The following IFFO2 variants were observed in gnomAD, a reference collection of about 807,000 sequenced individuals.
IFFO2 encodes intermediate filament family orphan 2.
A neutral mutation model predicts 53.5 loss-of-function variants in IFFO2; 19 were observed. The ratio of observed to expected loss-of-function variants is 0.36; its 90% CI spans 0.25 to 0.52. The LOEUF (loss-of-function observed/expected upper bound fraction) is 0.52, where lower values mean the gene tolerates loss of function less well. IFFO2 is among the 20% of genes least tolerant of loss of function. The probability of loss-of-function intolerance (pLI) is 0.94; values close to 1 mark genes in which losing one functional copy is unlikely to be tolerated. For missense variants in IFFO2, 570 were observed against 727.4 expected (o/e 0.78, Z 2.49); for synonymous variants, 303 against 313.6 (o/e 0.97, Z 0.36).
At chr1:18,924,494 C>G (rs985455292) in intron 1 of IFFO2, among the ~76,000 whole-genome samples, 5 of 152,188 alleles carry the variant, frequency 3.3e-5, no homozygotes, top group African/African-American at 1.2e-4. Context: ...CACCAAGAGG[C>G]GGGTGCACCT....
Position 18,916,981 on chromosome 1 carries a change from C to T in IFFO2, c.1025G>A (p.Gly342Glu), listed in dbSNP as rs1557639967. The T allele has an allele frequency of 8.4e-6, 13 of 1,552,076 alleles. No individual in the cohort carries two copies. The highest frequency in any genetic ancestry group is 1.4e-5 in the African/African-American group (1 of 73,048). Residue 342 changes from glycine to glutamate, a missense_variant, in exon 5 of 9, where the codon GGG becomes GAG. By Grantham distance (98) the Gly-to-Glu change is moderately conservative. Coordinates refer to ENST00000455833, the MANE Select transcript of IFFO2 (RefSeq NM_001136265.2). This position sits in a 1 kb window ranked among gnomAD's most constrained non-coding sequence, Gnocchi z 4.3. ...ASDDDISEQD[G>E]EVNRFSDDEV... is the part of the protein sequence containing the mutation. Reference sequence around the variant, plus strand: ...ATCGTCCGAGAACCGGTTCACCTCCCCGTCCTGCTCAGAGATGTCATCATC... The same window carrying T: ...ATCGTCCGAGAACCGGTTCACCTCCTCGTCCTGCTCAGAGATGTCATCATC...
intron 5 of IFFO2, among the ~76,000 whole-genome samples, chr1:18,913,497 C>G (rs1168806361): frequency 1.3e-5 from 2 of 152,250 alleles, no homozygotes; most frequent in African/African-American, 4.8e-5. Context: ...CTCCACTTCA[C>G]AAATCTGCGG....
At chr1:18,910,621 A>G in intron 7 of IFFO2, 149 bp from the exon 8 acceptor site, 1 of 829,492 alleles carries the variant, frequency 1.2e-6, no homozygotes. Context: ...CCGGACATCA[A>G]CCTCCCTCAC....
chr1:18,904,405 A>C lies in IFFO2; in HGVS notation c.*4156T>G, dbSNP rs1935914734. 1 of 152,220 alleles carries C rather than the reference A, an allele frequency of 6.6e-6. No homozygotes were observed. The highest frequency in any genetic ancestry group is 1.5e-5 in the Non-Finnish European group (1 of 68,054). The allele number at this position is 152,220 out of a possible 1,614,324, so 9.4% of individuals were successfully genotyped here. ...GGATCAGTAGTCTTTCCATGAGTAT[A>C]AATCCCCCCCTTCCCTGTGATGCTA... On this transcript the variant is annotated 3_prime_UTR_variant, in exon 9 of 9. Transcript: ENST00000455833.
At chr1:18,943,391 C>A (rs942613473) in intron 1 of IFFO2, among the ~76,000 whole-genome samples, 1 of 152,044 alleles carries the variant, frequency 6.6e-6, no homozygotes, top group East Asian at 1.9e-4. Context: ...AAAAAAATGT[C>A]TTTCCATATA....
At chr1:18,921,369 C>T (rs1312882705) in intron 1 of IFFO2, among the ~76,000 whole-genome samples, 1 of 152,176 alleles carries the variant, frequency 6.6e-6, no homozygotes, top group Non-Finnish European at 1.5e-5. Flanking sequence ...GGTATGAGCC[C>T]AGCACTTCGT....
intron 1 of IFFO2, among the ~76,000 whole-genome samples, chr1:18,942,908 G>T (rs1466845372): frequency 6.9e-6 from 1 of 145,548 alleles, no homozygotes; most frequent in East Asian, 2.0e-4. Context: ...GCAAGATCTT[G>T]GCTCACTGCA....
chr1:18,949,077 C>T (rs1387092988), intron 1 of IFFO2, among the ~76,000 whole-genome samples: 5 of 152,236 alleles, frequency 3.3e-5, no homozygotes, highest in African/African-American at 1.2e-4. Flanking sequence ...TGAACTTTGG[C>T]CCAGGCCTTC....
chr1:18,947,014 A>T lies in IFFO2; in HGVS notation c.665+8654T>A, dbSNP rs896736922. On this transcript the variant is annotated intron_variant, in intron 1 of 8. Transcript: ENST00000455833. This position sits in a 1 kb window ranked among gnomAD's most constrained non-coding sequence, Gnocchi z 5.0. The stretch of plus-strand genomic sequence containing the variant: ...TCACATGATGCTGCCACATGGCATG[A>T]CACATTTGTCTATGTCCCCAGATTC... Among the ~76,000 whole-genome samples the T allele has an allele frequency of 6.6e-6, 1 of 152,238 alleles. No homozygotes were observed. Among genetic ancestry groups the T allele is most frequent in the African/African-American group, 2.4e-5 (1 of 41,456 alleles).
At chr1:18,949,053 G>T (rs1014437943) in intron 1 of IFFO2, among the ~76,000 whole-genome samples, 4 of 152,196 alleles carry the variant, frequency 2.6e-5, no homozygotes, top group Non-Finnish European at 5.9e-5. Flanking sequence ...AGGCTTGGGG[G>T]TTCATTCAAA....
Position 18,914,822 on chromosome 1 carries a change from C to CAA in IFFO2, c.1103+2079_1103+2080dup, listed in dbSNP as rs71030111. On this transcript the variant is annotated intron_variant, in intron 5 of 8. Transcript: ENST00000455833. ...TGGGCAACAGAACAAGGCTCCATCT[C>CAA]AAAAAAAAAAAAAAAAAAGCCCCTC... Among the ~76,000 whole-genome samples the CAA allele has an allele frequency of 2.9e-3, 206 of 72,042 alleles. 5 individuals are homozygous for CAA. In the South Asian group the frequency reaches 0.039, roughly 14 times the overall value. The allele number at this position is 72,042 out of a possible 152,430, so 47.3% of individuals were successfully genotyped here.
chr1:18,916,939 T>G lies in IFFO2; in HGVS notation c.1067A>C (p.Asn356Thr), dbSNP rs1301293682. 1 of 1,551,872 alleles carries G rather than the reference T, an allele frequency of 6.4e-7. No individual in the cohort carries two copies. The highest frequency in any genetic ancestry group is 8.7e-7 in the Non-Finnish European group (1 of 1,147,054). The stretch of plus-strand genomic sequence containing the variant: ...CATGCGCTTCATCTCATCGGTGATG[T>G]TCATGGAGCCGACCTCATCGTCCGA... The part of the protein sequence containing the change: ...RFSDDEVGSM[N>T]ITDEMKRMFN... The change falls in exon 5 of 9, where the codon AAC becomes ACC. Residue 356 changes from asparagine (N) to threonine (T), a missense_variant. Coordinates refer to ENST00000455833, the MANE Select transcript of IFFO2 (RefSeq NM_001136265.2). This position sits in a 1 kb window ranked among gnomAD's most constrained non-coding sequence, Gnocchi z 4.3.
chr1:18,935,729 G>A (rs1261747297), intron 1 of IFFO2, among the ~76,000 whole-genome samples: 4 of 145,930 alleles, frequency 2.7e-5, no homozygotes, highest in African/African-American at 7.7e-5. Flanking sequence ...ATAAGATCTC[G>A]CTGTGTGCCC....
chr1:18,913,781 T>C (rs1190229178), intron 5 of IFFO2, among the ~76,000 whole-genome samples: 1 of 151,700 alleles, frequency 6.6e-6, no homozygotes, highest in Admixed American at 6.6e-5. Context: ...GGGTGGGGGG[T>C]GATCAAAGTG....
At position 18,917,027 on chromosome 1, in the gene IFFO2, T is replaced by C. The variant is rs1936143060; in HGVS notation, c.979A>G (p.Lys327Glu). The C allele has an allele frequency of 6.4e-7, 1 of 1,552,240 alleles. No individual in the cohort carries two copies. The highest frequency in any genetic ancestry group is 1.2e-5 in the South Asian group (1 of 84,062). ...SKIFQVVPKK[K>E]ERKVASDDDI... Reference sequence around the variant, plus strand: ...TCATCGGAAGCCACCTTACGCTCTTTCTTTTTGGGGACCACCTGAACCGGA... The same window carrying C: ...TCATCGGAAGCCACCTTACGCTCTTCCTTTTTGGGGACCACCTGAACCGGA... Residue 327 changes from lysine to glutamate, a missense_variant, in exon 5 of 9, where the codon AAA becomes GAA. By Grantham distance (56) the Lys-to-Glu change is moderately conservative. Coordinates refer to ENST00000455833, the MANE Select transcript of IFFO2 (RefSeq NM_001136265.2). The surrounding 1 kb of genome is among the most constrained non-coding windows in gnomAD (Gnocchi z 5.9).
In IFFO2 at chr1:18,919,472, G is replaced by T. The variant is rs1936183902; in HGVS notation, c.822+206C>A. ...CGGCAGATTAATGCATCTCTACTCA[G>T]ACCGAGGGAAGCAGAAGTGGGGAGG... On this transcript the variant is annotated intron_variant, in intron 3 of 8. Coordinates refer to ENST00000455833, the MANE Select transcript of IFFO2 (RefSeq NM_001136265.2). The surrounding 1 kb of genome is among the most constrained non-coding windows in gnomAD (Gnocchi z 4.9). Among the ~76,000 whole-genome samples, 1 of 147,778 alleles carries T rather than the reference G, an allele frequency of 6.8e-6. No homozygotes were observed. The highest frequency in any genetic ancestry group is 1.5e-5 in the Non-Finnish European group (1 of 66,806).
chr1:18,923,416 C>G (rs1315045111), intron 1 of IFFO2, among the ~76,000 whole-genome samples: 1 of 152,190 alleles, frequency 6.6e-6, no homozygotes, highest in Non-Finnish European at 1.5e-5. Context: ...CCCAAATCCA[C>G]CCAAGGTGAC....
intron 7 of IFFO2, 45 bp downstream of exon 7, chr1:18,911,339 C>T: frequency 9.9e-7 from 1 of 1,005,612 alleles, no homozygotes; most frequent in Non-Finnish European, 1.4e-6. Flanking sequence ...ACCATGTGGA[C>T]CTCAGGAGAG....
intron 1 of IFFO2, among the ~76,000 whole-genome samples, chr1:18,945,491 A>G (rs996909852): frequency 6.6e-6 from 1 of 152,240 alleles, no homozygotes; most frequent in African/African-American, 2.4e-5. Context: ...GGCGGCAGTG[A>G]GCCAAGAACC....
Sources: gnomAD v4.1 joint callset for allele counts (sites outside exome capture counted in the v4.1 genomes callset) on GRCh38, gnomAD v4.1.1 for gene constraint, Gnocchi (gnomAD v3.1) non-coding constraint, MANE v1.5 for transcripts, NCBI Gene and HGNC (gene_info 2026-07-23, HGNC 2026-07-21) for gene names.